Variants in EPM2A observed in about 807,000 individuals in gnomAD.
EPM2A encodes the protein laforin.
Under a neutral mutation model 26.5 loss-of-function variants are expected in EPM2A, and 21 were observed. That is an observed-to-expected ratio of 0.79 (90% CI 0.56 to 1.14). The LOEUF (loss-of-function observed/expected upper bound fraction) is 1.14. Among genes scored for constraint, EPM2A ranks in the 50% most tolerant of loss-of-function variants. The pLI is 0.00. For missense variants in EPM2A, 458 were observed against 440.8 expected, an observed-to-expected ratio of 1.04 and a Z score of -0.35; for synonymous variants, 217 against 177.6, an observed-to-expected ratio of 1.22 and a Z score of -1.76.
chr6:145,711,440 AAT>A (rs1203244738), intron 1 of EPM2A, among the ~76,000 whole-genome samples: 4 of 152,166 alleles, frequency 2.6e-5, no homozygotes, highest in Non-Finnish European at 4.4e-5. Context: ...TTGAGGTTTG[AAT>A]ATATTGAATT....
At chr6:145,411,933 C>G (rs546056576) in intron 4 of EPM2A, among the ~76,000 whole-genome samples, 7 of 152,184 alleles carry the variant, frequency 4.6e-5, no homozygotes, top group African/African-American at 1.4e-4. Context: ...TAAAGAATTT[C>G]ATCTGACTGG....
chr6:145,660,077 T>C (rs1778575372), intron 2 of EPM2A, among the ~76,000 whole-genome samples: 1 of 152,186 alleles, frequency 6.6e-6, no homozygotes, highest in African/African-American at 2.4e-5. Flanking sequence ...TGAAAAATTA[T>C]CTTTTAACAA....
At chr6:145,440,317 C>A (rs549197114) in intron 4 of EPM2A, among the ~76,000 whole-genome samples, 2 of 152,080 alleles carry the variant, frequency 1.3e-5, no homozygotes, top group South Asian at 4.1e-4. Flanking sequence ...GGGGAAACTG[C>A]CACCATGATT....
chr6:145,644,570 G>T (rs978743920), intron 2 of EPM2A, among the ~76,000 whole-genome samples: 1 of 151,874 alleles, frequency 6.6e-6, no homozygotes, highest in Non-Finnish European at 1.5e-5. Context: ...CTGCAGTCAG[G>T]GATATCAAAA....
chr6:145,519,719 T>C (rs896754364), intron 2 of EPM2A, among the ~76,000 whole-genome samples: 5 of 152,100 alleles, frequency 3.3e-5, no homozygotes, highest in Non-Finnish European at 7.4e-5. Context: ...CTTTTGAAGA[T>C]TGTAAAACTC....
intron 4 of EPM2A, among the ~76,000 whole-genome samples, chr6:145,468,927 A>G (rs760094983): frequency 6.6e-5 from 10 of 152,192 alleles, no homozygotes; most frequent in Admixed American, 6.6e-4. Context: ...TAAGGAGCTC[A>G]AACAACTATA....
intron 2 of EPM2A, among the ~76,000 whole-genome samples, chr6:145,647,840 T>A (rs1355582905): frequency 6.6e-6 from 1 of 152,224 alleles, no homozygotes; most frequent in Non-Finnish European, 1.5e-5. Flanking sequence ...CACAAAACTG[T>A]GTTGAAGACA....
At chr6:145,720,290 C>T (rs1365354361) in intron 1 of EPM2A, among the ~76,000 whole-genome samples, 1 of 152,084 alleles carries the variant, frequency 6.6e-6, no homozygotes, top group African/African-American at 2.4e-5. Context: ...AAACATGAGA[C>T]ATTGTCAAAA....
At chr6:145,410,633 C>T (rs898591414) in intron 4 of EPM2A, among the ~76,000 whole-genome samples, 12 of 152,080 alleles carry the variant, frequency 7.9e-5, no homozygotes, top group African/African-American at 2.2e-4. Context: ...GGACAATGCC[C>T]GAGTAGAGCC....
At chr6:145,631,570 A>G (rs1776253954) in intron 3 of EPM2A, 1 of 152,158 alleles carries the variant, frequency 6.6e-6, no homozygotes, top group Non-Finnish European at 1.5e-5. Flanking sequence ...AAAAACAGCA[A>G]TAAAAGCCTA....
At chr6:145,662,550 G>A (rs984338891) in intron 2 of EPM2A, among the ~76,000 whole-genome samples, 27 of 152,130 alleles carry the variant, frequency 1.8e-4, no homozygotes, top group African/African-American at 6.3e-4. Context: ...GGGATTTTGT[G>A]GTGGAGGAGA....
chr6:145,520,783 G>A (rs1294990358), intron 2 of EPM2A, among the ~76,000 whole-genome samples: 1 of 152,158 alleles, frequency 6.6e-6, no homozygotes, highest in Admixed American at 6.5e-5. Context: ...GGGACCACAA[G>A]GGCCATGGGG....
intron 2 of EPM2A, among the ~76,000 whole-genome samples, chr6:145,675,014 A>C (rs1202623176): frequency 4.6e-5 from 7 of 152,320 alleles, no homozygotes; most frequent in African/African-American, 1.7e-4. Flanking sequence ...TGAAGAAAAA[A>C]ATGTTAAGGG....
chr6:145,720,490 G>T (rs1775897013), intron 1 of EPM2A, among the ~76,000 whole-genome samples: 1 of 152,062 alleles, frequency 6.6e-6, no homozygotes, highest in African/African-American at 2.4e-5. Context: ...TTTTACCTCA[G>T]AAGTCCATGG....
At chr6:145,534,470 T>C (rs1246180398) in intron 2 of EPM2A, among the ~76,000 whole-genome samples, 2 of 152,244 alleles carry the variant, frequency 1.3e-5, no homozygotes, top group Non-Finnish European at 2.9e-5. Flanking sequence ...TAAGAGATAA[T>C]TGAAAGCAGT....
Position 145,686,176 on chromosome 6 carries a change from T to A in EPM2A, c.422A>T (p.His141Leu). The A allele has an allele frequency of 1.2e-6, 2 of 1,614,062 alleles. No individual in the cohort carries two copies. Reference protein sequence around the residue: ...EATGHTNEMKHTTDFYFNIAG... With the variant: ...EATGHTNEMKLTTDFYFNIAG... ...AATATTAAAATAGAAGTCTGTTGTG[T>A]GCTTCATTTCATTGGTGTGCCCAGT... The change falls in exon 2 of 4, where the codon CAC becomes CTC. Residue 141 changes from histidine to leucine, a missense_variant. Transcript: ENST00000367519.
intron 2 of EPM2A, chr6:145,671,235 A>G (rs1779615915): frequency 9.5e-7 from 1 of 1,053,078 alleles, no homozygotes; most frequent in South Asian, 2.9e-5. Context: ...AAGTGTATAC[A>G]TACTTATTAA....
intron 4 of EPM2A, among the ~76,000 whole-genome samples, chr6:145,487,364 G>A (rs1216277644): frequency 6.6e-6 from 1 of 152,154 alleles, no homozygotes; most frequent in Non-Finnish European, 1.5e-5. Flanking sequence ...ACCCAGTAAT[G>A]GGATTGCTGA....
intron 2 of EPM2A, among the ~76,000 whole-genome samples, chr6:145,511,726 G>T (rs141575520): frequency 6.6e-6 from 1 of 152,070 alleles, no homozygotes; most frequent in African/African-American, 2.4e-5. Context: ...CATTCCCACC[G>T]CTCCTATTCA....
Sources: gnomAD v4.1 joint callset for allele counts (sites outside exome capture counted in the v4.1 genomes callset) on GRCh38, gnomAD v4.1.1 for gene constraint, MANE v1.5 for transcripts, NCBI Gene and HGNC (gene_info 2026-07-23, HGNC 2026-07-21) for gene names.